The following CELSR1 variants were observed in gnomAD, a reference collection of about 807,000 sequenced individuals.
CELSR1 encodes adhesion G protein-coupled receptor C1.
Under a neutral mutation model 249.1 loss-of-function variants are expected in CELSR1, and 110 were observed. The observed-to-expected ratio is 0.44, with a 90% CI of 0.38 to 0.52. The LOEUF is 0.52. Ranked by LOEUF, CELSR1 falls within the 20% of genes least tolerant of loss-of-function variation. The probability of loss-of-function intolerance (pLI) is 0.00; values close to 1 mark genes in which losing one functional copy is unlikely to be tolerated. For synonymous variants in CELSR1, 2,113 were observed against 1,900.0 expected, an observed-to-expected ratio of 1.11 and a Z score of -2.92; for missense variants, 4,109 against 4,296.4, an observed-to-expected ratio of 0.96 and a Z score of 1.22.
At chr22:46,475,471 G>A (rs2080198754) in intron 1 of CELSR1, among the ~76,000 whole-genome samples, 1 of 152,038 alleles carries the variant, frequency 6.6e-6, no homozygotes, top group African/African-American at 2.4e-5. Context: ...ACTAGGGGAG[G>A]GCTGTGGGGA....
chr22:46,450,404 C>G (rs2079870163), intron 2 of CELSR1, among the ~76,000 whole-genome samples: 1 of 152,262 alleles, frequency 6.6e-6, no homozygotes, highest in South Asian at 2.1e-4. Flanking sequence ...CTGGGTATCC[C>G]CAGGTTCACA....
chr22:46,475,659 T>TAG (rs71318836), intron 1 of CELSR1, among the ~76,000 whole-genome samples: 1 of 149,722 alleles, frequency 6.7e-6, no homozygotes, highest in East Asian at 2.0e-4. Context: ...AAGAAACGAA[T>TAG]GGGGGGGGAA....
chr22:46,432,987 C>T (rs2079613196), intron 5 of CELSR1, among the ~76,000 whole-genome samples: 1 of 152,070 alleles, frequency 6.6e-6, no homozygotes, highest in South Asian at 2.1e-4. Flanking sequence ...AAATTCAGAG[C>T]ACAAATGTCT....
At chr22:46,392,274 C>T (rs1224552555) in intron 14 of CELSR1, among the ~76,000 whole-genome samples, 3 of 152,192 alleles carry the variant, frequency 2.0e-5, no homozygotes, top group Admixed American at 6.5e-5. Flanking sequence ...TGACCCTTGC[C>T]GTTTACCAGC....
Position 46,369,737 on chromosome 22 carries a change from G to A in CELSR1, c.7827C>T (p.Asp2609=). The change falls in exon 26 of 35, where the codon GAC becomes GAT. Residue 2609 remains aspartate (D), a synonymous_variant. Coordinates refer to ENST00000674500, the MANE Select transcript of CELSR1 (RefSeq NM_001378328.1). ...GCCCCGCAAAGCTCCAAATCAGGGT[G>A]TCTTGAAGCGACAGCCAGCAGAAGT... ...NPDFCWLSLQ[D]TLIWSFAGPI... is the part of the protein sequence containing the mutation. 6.2e-7 allele frequency: 1 copy of A among 1,613,484 alleles called. No homozygotes were observed. The highest frequency in any genetic ancestry group is 8.5e-7 in the Non-Finnish European group (1 of 1,179,992).
At chr22:46,375,052 G>A (rs1207559918) in intron 24 of CELSR1, among the ~76,000 whole-genome samples, 1 of 152,186 alleles carries the variant, frequency 6.6e-6, no homozygotes, top group African/African-American at 2.4e-5. Context: ...GACCTGCGAG[G>A]TGGGGGTGCC....
intron 2 of CELSR1, among the ~76,000 whole-genome samples, chr22:46,442,122 T>G (rs2079757736): frequency 6.6e-6 from 1 of 152,204 alleles, no homozygotes. Flanking sequence ...CACTCCAGCC[T>G]GGGCAGCAAG....
intron 1 of CELSR1, among the ~76,000 whole-genome samples, chr22:46,504,968 A>G (rs4823829): frequency 0.78 from 118,541 of 152,212 alleles, 46,538 homozygotes; most frequent in East Asian, 0.98. Flanking sequence ...GCCATCTCAA[A>G]AGAGCAAGGA....
In CELSR1 at chr22:46,450,866, C is replaced by A. The variant is rs6007914; in HGVS notation, c.4184-11455G>T. ...TCCCCCAAGGCAGGGATTTCTGTCT[C>A]TCTTGGGCCAGGAGCATTCCCCAGC... On this transcript the variant is annotated intron_variant, in intron 2 of 34. Coordinates refer to ENST00000674500, the MANE Select transcript of CELSR1 (RefSeq NM_001378328.1). Among the ~76,000 whole-genome samples the A allele has an allele frequency of 6.1e-3, 933 of 152,350 alleles. 9 individuals carry two copies. Among genetic ancestry groups the A allele is most frequent in the African/African-American group, 0.021 (875 of 41,576 alleles).
At chr22:46,369,058 G>GC in intron 27 of CELSR1, 121 bp downstream of exon 27, 1 of 854,264 alleles carries the variant, frequency 1.2e-6, no homozygotes, top group Non-Finnish European at 1.9e-6. Context: ...CACCCAGGCT[G>GC]CCCCCAGCCC....
rs1456981045 is a variant in CELSR1, at chr22:46,367,724, C to T, written c.8079+5G>A. The T allele has an allele frequency of 3.1e-6, 5 of 1,593,174 alleles. No homozygotes were observed. The African/African-American group carries it at 4.0e-5, about 13-fold the overall frequency. On this transcript the variant is annotated splice_donor_5th_base_variant and intron_variant, in intron 28 of 34. Coordinates refer to ENST00000674500, the MANE Select transcript of CELSR1 (RefSeq NM_001378328.1). ...GGTCCCGCGGGCAACTCGGCCGTCA[C>T]CTACCTGTAAGCCGCTGAAGATGGC... is the stretch of plus-strand genomic sequence containing the variant.
rs1483294884 is a variant in CELSR1 at position 46,490,190 on chromosome 22, C to A, written c.3545-25845G>T. ...CTCTCCTCCAGCCATAAGACACACTCAGACACACAGGGTCCTGCCCTCTAA... is the reference window on the plus strand; with the variant it reads ...CTCTCCTCCAGCCATAAGACACACTAAGACACACAGGGTCCTGCCCTCTAA... On this transcript the variant is annotated intron_variant, in intron 1 of 34. Transcript: ENST00000674500. The surrounding 1 kb of genome is among the most constrained non-coding windows in gnomAD (Gnocchi z 5.2). Among the ~76,000 whole-genome samples, 2 of 152,230 alleles carry A rather than the reference C, an allele frequency of 1.3e-5. No individual in the cohort carries two copies. Among genetic ancestry groups the A allele is most frequent in the African/African-American group, 4.8e-5 (2 of 41,456 alleles).
intron 3 of CELSR1, 23 bp downstream of exon 3, chr22:46,439,166 G>C (rs1486990380): frequency 6.3e-7 from 1 of 1,599,480 alleles, no homozygotes; most frequent in East Asian, 2.2e-5. Context: ...ACCCCCGTGT[G>C]GCGCGGCGGG....
At chr22:46,439,129 G>C (rs1230621694) in intron 3 of CELSR1, 60 bp downstream of exon 3, 1 of 1,477,520 alleles carries the variant, frequency 6.8e-7, no homozygotes, top group African/African-American at 1.4e-5. Flanking sequence ...TGGGGTGCAC[G>C]GAGAAGCTCG....
rs577078722 is a variant in CELSR1 at position 46,434,472 on chromosome 22, C to G, written c.4523-991G>C. On this transcript the variant is annotated intron_variant, in intron 4 of 34. Coordinates refer to ENST00000674500, the MANE Select transcript of CELSR1 (RefSeq NM_001378328.1). This position sits in a 1 kb window ranked among gnomAD's most constrained non-coding sequence, Gnocchi z 4.9. ...TGGGAGACACTGGCCAGGGGAATAG[C>G]CTAATCCCACCTCACAGAGCCCGGA... Among the ~76,000 whole-genome samples the G allele has an allele frequency of 5.1e-4, 78 of 152,326 alleles. 1 individual carries two copies. The South Asian group carries it at 0.016, about 32-fold the overall frequency.
In CELSR1 at chr22:46,536,938, C is replaced by T; in HGVS notation, c.233G>A (p.Arg78His). ...CAGCGGGCGCCCCGCGCCCGAGACG[C>T]GCCGACGTCCTGCCAGCCGCCCATC... is the stretch of plus-strand genomic sequence containing the variant. ...GRDGRLAGRR[R>H]VSGAGRPLPL... The change falls in exon 1 of 35, where the codon CGC (arginine) becomes CAC (histidine). Residue 78 changes from arginine to histidine, a missense_variant. Transcript: ENST00000674500. 8.6e-7 allele frequency: 1 copy of T among 1,161,484 alleles called. No homozygotes were observed. Among genetic ancestry groups the T allele is most frequent in the East Asian group, 4.6e-5 (1 of 21,686 alleles). The allele number at this position is 1,161,484 out of a possible 1,614,324, so 71.9% of individuals were successfully genotyped here. A position where few individuals can be genotyped will look rare whatever the true frequency, so the allele number is the denominator to read the frequency against.
intron 1 of CELSR1, among the ~76,000 whole-genome samples, chr22:46,469,978 A>AT (rs2080137707): frequency 7.5e-6 from 1 of 133,378 alleles, no homozygotes; most frequent in Non-Finnish European, 1.7e-5. Context: ...GGAGGGAGGG[A>AT]GGAGGAGGGG....
At chr22:46,376,555 A>G (rs112436042) in intron 24 of CELSR1, among the ~76,000 whole-genome samples, 2,778 of 152,174 alleles carry the variant, frequency 0.018, 37 homozygotes, top group South Asian at 0.048. Context: ...TTGTATTTTT[A>G]GTAGAGATTG....
At position 46,399,935 on chromosome 22, in the gene CELSR1, T is replaced by C. The variant is rs201093744; in HGVS notation, c.5227-33A>G. 1,437 of 1,601,014 alleles carry C rather than the reference T, an allele frequency of 9.0e-4. 1 individual carries two copies. The highest frequency in any genetic ancestry group is 2.3e-3 in the Admixed American group (138 of 59,026). Reference sequence around the variant, plus strand: ...AGGGAGAGCCACACCGACTGATTGGTACAATGACAATGAAAGAGAAAACAT... The same window carrying C: ...AGGGAGAGCCACACCGACTGATTGGCACAATGACAATGAAAGAGAAAACAT... On this transcript the variant is annotated intron_variant, in intron 9 of 34. Coordinates refer to ENST00000674500, the MANE Select transcript of CELSR1 (RefSeq NM_001378328.1). This position sits in a 1 kb window ranked among gnomAD's most constrained non-coding sequence, Gnocchi z 5.0.
Sources: gnomAD v4.1 joint callset for allele counts (sites outside exome capture counted in the v4.1 genomes callset) on GRCh38, gnomAD v4.1.1 for gene constraint, Gnocchi (gnomAD v3.1) non-coding constraint, MANE v1.5 for transcripts, NCBI Gene and HGNC (gene_info 2026-07-23, HGNC 2026-07-21) for gene names.